RMDN2: variants seen among roughly 807,000 people sequenced by gnomAD.
The protein encoded by RMDN2 is regulator of microtubule dynamics 2, also known as regulator of microtubule dynamics protein 2.
RMDN2 carries 61 observed loss-of-function variants against 52.8 expected under a neutral mutation model. The observed-to-expected ratio is 1.16, with a 90% CI of 0.94 to 1.43. The LOEUF is 1.43. Ranked by LOEUF, RMDN2 falls within the 40% of genes most tolerant of loss-of-function variation. The pLI, the probability that RMDN2 is intolerant of heterozygous loss-of-function variation, is 0.00. For synonymous variants in RMDN2, 180 were observed against 153.1 expected (o/e 1.18, Z -1.30); for missense variants, 592 against 475.3 (o/e 1.25, Z -2.28).
intron 3 of RMDN2, chr2:37,974,688 G>A (rs1347029957): frequency 6.6e-6 from 1 of 152,518 alleles, no homozygotes; most frequent in East Asian, 1.9e-4. Flanking sequence ...AAAGTTTGCA[G>A]TGTCCCATGG....
intron 8 of RMDN2, among the ~76,000 whole-genome samples, chr2:38,003,597 T>C (rs988916032): frequency 0.027 from 3,403 of 128,344 alleles, 59 homozygotes; most frequent in Non-Finnish European, 0.035. Context: ...GATAGATAGA[T>C]AGATAGGCAG....
chr2:37,937,665 A>T (rs1159374052), intron 2 of RMDN2, among the ~76,000 whole-genome samples: 1 of 152,302 alleles, frequency 6.6e-6, no homozygotes, highest in South Asian at 2.1e-4. Context: ...AGCAATTATG[A>T]ATGGGAGTTT....
At chr2:38,003,603 G>GATA (rs3056305) in intron 8 of RMDN2, among the ~76,000 whole-genome samples, 6,053 of 146,688 alleles carry the variant, frequency 0.041, 157 homozygotes, top group Non-Finnish European at 0.058. Context: ...TAGATAGATA[G>GATA]GCAGACAGAC....
intron 6 of RMDN2, among the ~76,000 whole-genome samples, chr2:37,990,138 G>GCC (rs1674573847): frequency 1.3e-5 from 1 of 76,946 alleles, no homozygotes; most frequent in African/African-American, 8.2e-5. Context: ...GTGAGACTCC[G>GCC]TCTGAAAAAA....
At chr2:37,983,404 G>A (rs554634811) in intron 5 of RMDN2, among the ~76,000 whole-genome samples, 15 of 152,100 alleles carry the variant, frequency 9.9e-5, no homozygotes, top group African/African-American at 3.4e-4. Context: ...TTTACTTTTT[G>A]TTGAGAACTA....
chr2:37,950,666 G>C (rs1668667115), intron 2 of RMDN2: 2 of 1,453,288 alleles, frequency 1.4e-6, no homozygotes, highest in Non-Finnish European at 1.9e-6. Context: ...AAGCTTTAGT[G>C]CTCTCCTTTG....
chr2:37,924,712 C>T (rs1480550490), upstream of RMDN2, among the ~76,000 whole-genome samples: 2 of 152,320 alleles, frequency 1.3e-5, no homozygotes, highest in East Asian at 3.9e-4. Flanking sequence ...ATTATACAAA[C>T]CACAGAAAGC....
chr2:37,951,810 T>G (rs763116818), intron 2 of RMDN2: 2 of 1,613,678 alleles, frequency 1.2e-6, no homozygotes, highest in South Asian at 2.2e-5. Context: ...TTCTCCAGCC[T>G]TTGGGAACAC....
At chr2:37,978,018 C>G (rs1672769179) in intron 4 of RMDN2, among the ~76,000 whole-genome samples, 2 of 152,180 alleles carry the variant, frequency 1.3e-5, no homozygotes, top group Admixed American at 6.5e-5. Flanking sequence ...CACTGCACTC[C>G]AGCCTGGGCA....
chr2:37,991,114 T>G lies in RMDN2; in HGVS notation c.868-106T>G, dbSNP rs111596031. 1.5e-3 allele frequency: 735 copies of G among 488,720 alleles called. 9 individuals carry two copies. Among genetic ancestry groups the G allele is most frequent in the African/African-American group, 0.012 (616 of 51,210 alleles). The allele number at this position is 488,720 out of a possible 1,614,324, so 30.3% of individuals were successfully genotyped here. ...TATTAATGATAGGGATGGGGAGAAC[T>G]GAGACAATATTTTAAAACCACTTTT... On this transcript the variant is annotated intron_variant, in intron 6 of 10. Transcript: ENST00000354545.
At chr2:38,030,337 C>G (rs1000835173) in intron 10 of RMDN2, 2 of 152,136 alleles carry the variant, frequency 1.3e-5, no homozygotes, top group Non-Finnish European at 2.9e-5. Context: ...TTGCTTTTGT[C>G]TTGAAATTAT....
intron 7 of RMDN2, 65 bp from the exon 8 acceptor site, chr2:37,997,351 G>A: frequency 1.0e-6 from 1 of 964,642 alleles, no homozygotes. Context: ...ACGTCTAACT[G>A]GGGAGAGATA....
chr2:37,934,451 T>G (rs1268886571), intron 2 of RMDN2, among the ~76,000 whole-genome samples: 1 of 152,252 alleles, frequency 6.6e-6, no homozygotes, highest in Non-Finnish European at 1.5e-5. Flanking sequence ...CTGTTAAGTT[T>G]GTGTCTGTGT....
intron 10 of RMDN2, among the ~76,000 whole-genome samples, chr2:38,063,313 A>G (rs886935777): frequency 6.6e-6 from 1 of 152,142 alleles, no homozygotes; most frequent in African/African-American, 2.4e-5. Context: ...CGCCATTCTA[A>G]CTGGTGTGAG....
intron 2 of RMDN2, among the ~76,000 whole-genome samples, chr2:37,955,353 C>T (rs1037857448): frequency 3.3e-5 from 5 of 151,980 alleles, no homozygotes; most frequent in South Asian, 2.1e-4. Flanking sequence ...TTTAATATGT[C>T]GAAGCAGTTA....
chr2:38,038,785 A>T (rs955824869), intron 10 of RMDN2, among the ~76,000 whole-genome samples: 4 of 152,112 alleles, frequency 2.6e-5, no homozygotes, highest in African/African-American at 9.7e-5. Flanking sequence ...CGGCATTAGT[A>T]AGGGCAGAGA....
chr2:37,964,129 C>T (rs1264048726), intron 2 of RMDN2, among the ~76,000 whole-genome samples: 1 of 151,822 alleles, frequency 6.6e-6, no homozygotes, highest in East Asian at 1.9e-4. Flanking sequence ...GGGCTCCTCA[C>T]TTCTCAGACG....
intron 10 of RMDN2, among the ~76,000 whole-genome samples, chr2:38,043,930 C>A (rs1197460600): frequency 6.6e-6 from 1 of 151,786 alleles, no homozygotes; most frequent in East Asian, 1.9e-4. Context: ...CTTATTTTAC[C>A]TTCACTTATT....
At chr2:37,932,399 G>C (rs1666840011) in intron 2 of RMDN2, among the ~76,000 whole-genome samples, 2 of 151,722 alleles carry the variant, frequency 1.3e-5, no homozygotes, top group Non-Finnish European at 1.5e-5. Context: ...AGATCAACAG[G>C]ATCCCAAGGC....
Sources: allele counts gnomAD v4.1 joint callset (sites outside exome capture counted in the v4.1 genomes callset), GRCh38; gene constraint gnomAD v4.1.1; transcripts MANE v1.5; gene names NCBI Gene and HGNC (gene_info 2026-07-23, HGNC 2026-07-21).